ROBO1: variants seen among roughly 807,000 people sequenced by gnomAD.
ROBO1 encodes the protein roundabout homolog 1.
Under a neutral mutation model 195.9 loss-of-function variants are expected in ROBO1, and 149 were observed. That is an observed-to-expected ratio of 0.76 (90% CI 0.67 to 0.87). The LOEUF is 0.87. ROBO1 is among the 40% of genes least tolerant of loss of function. The probability of loss-of-function intolerance (pLI) is 0.00; values close to 1 mark genes in which losing one functional copy is unlikely to be tolerated. For missense variants in ROBO1, 1,933 were observed against 2,068.3 expected, an observed-to-expected ratio of 0.93 and a Z score of 1.27; for synonymous variants, 816 against 733.2, an observed-to-expected ratio of 1.11 and a Z score of -1.82.
intron 4 of ROBO1, among the ~76,000 whole-genome samples, chr3:78,788,810 T>G (rs2083929595): frequency 7.0e-6 from 1 of 142,274 alleles, no homozygotes; most frequent in Non-Finnish European, 1.6e-5. Context: ...ATTTATAAAA[T>G]ATCAAAATTA....
chr3:78,711,417 TTC>T (rs1178339021), intron 8 of ROBO1, among the ~76,000 whole-genome samples: 2 of 100,538 alleles, frequency 2.0e-5, no homozygotes, highest in East Asian at 5.3e-4. Context: ...CTTTCTTTCT[TTC>T]TTTCTTTCTT....
At chr3:79,385,897 A>T in intron 2 of ROBO1, among the ~76,000 whole-genome samples, 1 of 152,172 alleles carries the variant, frequency 6.6e-6, no homozygotes, top group East Asian at 1.9e-4. Context: ...TAGATTTACA[A>T]AGAACAATCT....
intron 2 of ROBO1, among the ~76,000 whole-genome samples, chr3:79,244,248 C>A (rs2082578791): frequency 6.6e-6 from 1 of 152,078 alleles, no homozygotes; most frequent in Non-Finnish European, 1.5e-5. Flanking sequence ...GCTCTCTCCT[C>A]CCCCTCTGAC....
In ROBO1 at chr3:78,677,727, C is replaced by A. The variant is rs946906273; in HGVS notation, c.1343-7426G>T. On this transcript the variant is annotated intron_variant, in intron 10 of 30. Transcript: ENST00000464233. ...TAGACTCCCACACAATAATAATGGG[C>A]GACTTTAACACCCCACTGTCAACAT... 1.4e-3 allele frequency among the ~76,000 whole-genome samples: 218 copies of A among 152,066 alleles called. 2 individuals carry two copies. Among genetic ancestry groups the A allele is most frequent in the African/African-American group, 4.4e-3 (184 of 41,478 alleles).
rs907883865 is a variant in ROBO1, at chr3:78,821,755, A to C, written c.500-74855T>G. 5.3e-5 allele frequency among the ~76,000 whole-genome samples: 8 copies of C among 152,280 alleles called. No homozygotes were observed. In the East Asian group the frequency reaches 9.7e-4, roughly 18 times the overall value. ...CAGGATAATTTAATTTAATTCAATT[A>C]AATTTCACATAATTCAATTCCTTTC... On this transcript the variant is annotated intron_variant, in intron 4 of 30. Coordinates refer to ENST00000464233, the MANE Select transcript of ROBO1 (RefSeq NM_002941.4).
In ROBO1 at chr3:78,614,808, G is replaced by GAA. The variant is rs748984685; in HGVS notation, c.4283-10_4283-9dup. Reference sequence around the variant, plus strand: ...CATGAAAATGTCGACGGCCTAAGGAGAAAAAAAAAAAAAATCCAAGCCAAA... The same window carrying GAA: ...CATGAAAATGTCGACGGCCTAAGGAGAAAAAAAAAAAAAAAATCCAAGCCAAA... On this transcript the variant is annotated splice_polypyrimidine_tract_variant and intron_variant, in intron 27 of 30. Transcript: ENST00000464233. The GAA allele has an allele frequency of 3.6e-4, 417 of 1,155,528 alleles. No individual in the cohort carries two copies. The highest frequency in any genetic ancestry group is 1.5e-3 in the South Asian group (82 of 53,614). The allele number at this position is 1,155,528 out of a possible 1,614,324, so 71.6% of individuals were successfully genotyped here.
rs539057770 is a variant in ROBO1, at chr3:79,532,928, A to G, written c.88+56896T>C. Reference sequence around the variant, plus strand: ...TGGATTAATCCTTCAACACTGAATCATGTTTAGGGGACTGTCAATTAGGCA... The same window carrying G: ...TGGATTAATCCTTCAACACTGAATCGTGTTTAGGGGACTGTCAATTAGGCA... On this transcript the variant is annotated intron_variant, in intron 2 of 30. Coordinates refer to ENST00000464233, the MANE Select transcript of ROBO1 (RefSeq NM_002941.4). The G allele has an allele frequency of 5.8e-5, 13 of 222,384 alleles. No individual in the cohort carries two copies. In the South Asian group the frequency reaches 6.3e-4, roughly 11 times the overall value. The allele number at this position is 222,384 out of a possible 1,614,324, so 13.8% of individuals were successfully genotyped here.
At chr3:79,292,671 A>T (rs2032327007) in intron 2 of ROBO1, among the ~76,000 whole-genome samples, 1 of 152,014 alleles carries the variant, frequency 6.6e-6, no homozygotes, top group African/African-American at 2.4e-5. Context: ...TACATTACGG[A>T]TTATGTTTAC....
chr3:79,222,502 A>G (rs1201438944), intron 2 of ROBO1, among the ~76,000 whole-genome samples: 1 of 152,086 alleles, frequency 6.6e-6, no homozygotes, highest in Non-Finnish European at 1.5e-5. Flanking sequence ...GTCTAATATA[A>G]CATAAAATAC....
Position 78,614,726 on chromosome 3 carries a change from C to T in ROBO1, c.4357G>A (p.Ala1453Thr), listed in dbSNP as rs370200985. 5.6e-6 allele frequency: 9 copies of T among 1,612,752 alleles called. No homozygotes were observed. Among genetic ancestry groups the T allele is most frequent in the Non-Finnish European group, 5.1e-6 (6 of 1,179,754 alleles). Residue 1453 changes from alanine (A) to threonine (T), a missense_variant, in exon 28 of 31, where the codon GCC becomes ACC. Around this residue, in one of 3 missense-constraint regions of ROBO1, gnomAD observed 1,737 missense variants for 1,882.5 expected, o/e 0.92. Coordinates refer to ENST00000464233, the MANE Select transcript of ROBO1 (RefSeq NM_002941.4). ...PVSTDSNMSA[A>T]VMQKTRPAKK... ...GCTGGTCTGGTTTTCTGCATTACGG[C>T]GGCACTCATGTTGCTGTCTGTAGAC...
chr3:78,875,643 A>C (rs1188591512), intron 4 of ROBO1, among the ~76,000 whole-genome samples: 2 of 152,058 alleles, frequency 1.3e-5, no homozygotes, highest in Non-Finnish European at 2.9e-5. Context: ...TATGTTGCCA[A>C]CTGAAAACTA....
chr3:79,740,473 CTTAA>C (rs540597955), intron 1 of ROBO1, among the ~76,000 whole-genome samples: 1 of 151,910 alleles, frequency 6.6e-6, no homozygotes, highest in Non-Finnish European at 1.5e-5. Flanking sequence ...AGAAAAGAGG[CTTAA>C]TTGACTCACA....
At chr3:79,275,406 A>G (rs887730483) in intron 2 of ROBO1, among the ~76,000 whole-genome samples, 1 of 152,056 alleles carries the variant, frequency 6.6e-6, no homozygotes, top group South Asian at 2.1e-4. Context: ...TTGATGCTGA[A>G]AAAGCATTTG....
chr3:79,644,580 T>A (rs1160086038), intron 1 of ROBO1, among the ~76,000 whole-genome samples: 1 of 152,090 alleles, frequency 6.6e-6, no homozygotes, highest in Non-Finnish European at 1.5e-5. Flanking sequence ...TTATTTACTA[T>A]CACAAGAACA....
chr3:79,363,294 C>G (rs933194564), intron 2 of ROBO1, among the ~76,000 whole-genome samples: 1 of 152,184 alleles, frequency 6.6e-6, no homozygotes, highest in African/African-American at 2.4e-5. Context: ...AAAACACTCT[C>G]TTCTCTCCAG....
intron 2 of ROBO1, among the ~76,000 whole-genome samples, chr3:79,232,934 GT>G (rs2082345766): frequency 6.6e-6 from 1 of 152,070 alleles, no homozygotes; most frequent in Non-Finnish European, 1.5e-5. Flanking sequence ...TTGAAGTTAT[GT>G]TTTGATAGGA....
At chr3:79,547,591 G>A (rs555995541) in intron 2 of ROBO1, among the ~76,000 whole-genome samples, 1 of 152,290 alleles carries the variant, frequency 6.6e-6, no homozygotes, top group South Asian at 2.1e-4. Context: ...TTCAGTATAA[G>A]TAAAATACTA....
rs2079357310 is a variant in ROBO1, at chr3:79,085,765, T to G, written c.172+39691A>C. Among the ~76,000 whole-genome samples, 3 of 152,302 alleles carry G rather than the reference T, an allele frequency of 2.0e-5. No individual in the cohort carries two copies. The South Asian group carries it at 6.2e-4, about 32-fold the overall frequency. The stretch of plus-strand genomic sequence containing the variant: ...AGATGGAAGAAGACAAGAGAAACTC[T>G]GCTTAGTCAAGTGCTAAGGAAGTGT... On this transcript the variant is annotated intron_variant, in intron 3 of 30. Coordinates refer to ENST00000464233, the MANE Select transcript of ROBO1 (RefSeq NM_002941.4).
intron 4 of ROBO1, among the ~76,000 whole-genome samples, chr3:78,926,369 A>T (rs2039220569): frequency 6.6e-6 from 1 of 152,194 alleles, no homozygotes; most frequent in African/African-American, 2.4e-5. Context: ...AATAATGGTG[A>T]TTCTGATTCA....
Sources: allele counts gnomAD v4.1 joint callset (sites outside exome capture counted in the v4.1 genomes callset), GRCh38; gene constraint gnomAD v4.1.1; regional missense constraint gnomAD v4.1.1; transcripts MANE v1.5; gene names NCBI Gene and HGNC (gene_info 2026-07-23, HGNC 2026-07-21).